CAMSAP2: variants seen among roughly 807,000 people sequenced by gnomAD.
CAMSAP2 encodes calmodulin regulated spectrin associated protein family member 2.
In CAMSAP2, 26 loss-of-function variants were observed where a neutral mutation model predicts 146.1. That is an observed-to-expected ratio of 0.18 (90% confidence interval 0.13 to 0.25). The LOEUF (loss-of-function observed/expected upper bound fraction) is 0.25, where lower values mean the gene tolerates loss of function less well. Ranked by LOEUF, CAMSAP2 falls within the 10% of genes least tolerant of loss-of-function variation. CAMSAP2 has a pLI of 1.00. For synonymous variants in CAMSAP2, 499 were observed against 596.6 expected (o/e 0.84, Z 2.38); for missense variants, 1,381 against 1,759.3 (o/e 0.78, Z 3.85).
In CAMSAP2 at chr1:200,832,273, A is replaced by G; in HGVS notation, c.719A>G (p.Asp240Gly). Residue 240 changes from aspartate (D) to glycine (G), a missense_variant, in exon 5 of 17, where the codon GAT (aspartate) becomes GGT (glycine). Around this residue, in one of 4 missense-constraint regions of CAMSAP2, gnomAD observed 284 missense variants for 406.9 expected, o/e 0.70. Transcript: ENST00000358823. This position sits in a 1 kb window ranked among gnomAD's most constrained non-coding sequence, Gnocchi z 4.2. ...CIPLVENLLK[D>G]GTDGCALAAL... ...CCATTGGTAGAAAATTTGTTGAAGGATGGGACAGATGGCTGTGCATTAGCT... is the reference window on the plus strand; with the variant it reads ...CCATTGGTAGAAAATTTGTTGAAGGGTGGGACAGATGGCTGTGCATTAGCT... The G allele has an allele frequency of 1.2e-6, 2 of 1,613,702 alleles. No homozygotes were observed. Among genetic ancestry groups the G allele is most frequent in the Non-Finnish European group, 1.7e-6 (2 of 1,179,764 alleles).
intron 2 of CAMSAP2, among the ~76,000 whole-genome samples, chr1:200,774,510 GT>G (rs1665216147): frequency 1.3e-5 from 2 of 152,170 alleles, no homozygotes; most frequent in African/African-American, 4.8e-5. Flanking sequence ...AAAACTGTTA[GT>G]TTGTGGTTAG....
chr1:200,828,211 A>G (rs1038174600), intron 4 of CAMSAP2, among the ~76,000 whole-genome samples: 1 of 152,086 alleles, frequency 6.6e-6, no homozygotes, highest in Non-Finnish European at 1.5e-5. Flanking sequence ...ATGATTGCAA[A>G]CCTAGCTGTA....
intron 2 of CAMSAP2, among the ~76,000 whole-genome samples, chr1:200,763,490 G>C (rs1664856522): frequency 2.0e-5 from 3 of 152,144 alleles, no homozygotes; most frequent in African/African-American, 4.8e-5. Context: ...AGTTAGCCGA[G>C]ATTCCGCTAC....
chr1:200,856,125 G>C lies in CAMSAP2; in HGVS notation c.4012G>C (p.Gly1338Arg). 6.3e-7 allele frequency: 1 copy of C among 1,576,478 alleles called. No individual in the cohort carries two copies. The highest frequency in any genetic ancestry group is 8.7e-7 in the Non-Finnish European group (1 of 1,147,970). The change falls in exon 15 of 17, where the codon GGA (glycine) becomes CGA (arginine). Residue 1338 changes from glycine (G) to arginine (R), a missense_variant and splice_region_variant. Physicochemically the swap from Gly to Arg is moderately radical, Grantham distance 125 (BLOSUM62 -2). This residue lies in a region of CAMSAP2 where 90 missense variants were observed against 174.4 expected (regional missense o/e 0.52). Coordinates refer to ENST00000358823, the MANE Select transcript of CAMSAP2 (RefSeq NM_203459.4). ...SSVASGTEYTGPKLYKEPSAK... is the reference protein window; with the variant it reads ...SSVASGTEYTRPKLYKEPSAK... ...AGTGGCTTCTGGAACAGAATATACA[G>C]GTTAGTGTCTATACATTTTTAGAGA... is the stretch of plus-strand genomic sequence containing the variant.
rs368009969 is a variant in CAMSAP2 at position 200,772,232 on chromosome 1, A to G, written c.399+11134A>G. Among the ~76,000 whole-genome samples, 35 of 152,260 alleles carry G rather than the reference A, an allele frequency of 2.3e-4. No individual in the cohort carries two copies. In the South Asian group the frequency reaches 6.4e-3, roughly 28 times the overall value. On this transcript the variant is annotated intron_variant, in intron 2 of 16. Coordinates refer to ENST00000358823, the MANE Select transcript of CAMSAP2 (RefSeq NM_203459.4). ...TGTAACTTTATTTTTTTAAGATTCT[A>G]TTTGAAAAAAAAATATGGGTTGTGA... is the stretch of plus-strand genomic sequence containing the variant.
chr1:200,793,792 C>T (rs924296676), intron 2 of CAMSAP2, among the ~76,000 whole-genome samples: 7 of 151,960 alleles, frequency 4.6e-5, no homozygotes, highest in Non-Finnish European at 8.8e-5. Flanking sequence ...GACTCACAAA[C>T]GTTGTTTAAT....
chr1:200,769,640 A>G (rs1270812612), intron 2 of CAMSAP2, among the ~76,000 whole-genome samples: 4 of 152,158 alleles, frequency 2.6e-5, no homozygotes, highest in African/African-American at 4.8e-5. Context: ...ACTCAGGGAA[A>G]CTCTTACTTA....
At chr1:200,766,317 T>A (rs919742705) in intron 2 of CAMSAP2, among the ~76,000 whole-genome samples, 2 of 152,110 alleles carry the variant, frequency 1.3e-5, no homozygotes, top group East Asian at 1.9e-4. Flanking sequence ...CTAATATTTT[T>A]TTATTATTTT....
intron 11 of CAMSAP2, among the ~76,000 whole-genome samples, chr1:200,851,471 AG>A (rs1667618072): frequency 6.6e-6 from 1 of 152,232 alleles, no homozygotes; most frequent in Non-Finnish European, 1.5e-5. Flanking sequence ...CTGGGATTAC[AG>A]GCATGAGCCC....
chr1:200,841,297 A>C (rs561758179), intron 6 of CAMSAP2, among the ~76,000 whole-genome samples: 1 of 152,300 alleles, frequency 6.6e-6, no homozygotes, highest in East Asian at 1.9e-4. Flanking sequence ...CCCAGGCTGG[A>C]GTGCAATGGC....
chr1:200,767,851 C>G (rs546976667), intron 2 of CAMSAP2, among the ~76,000 whole-genome samples: 2 of 152,326 alleles, frequency 1.3e-5, no homozygotes, highest in South Asian at 4.1e-4. Flanking sequence ...TAGGTAACAT[C>G]TATACCTCTG....
At chr1:200,784,597 T>G (rs115816894) in intron 2 of CAMSAP2, among the ~76,000 whole-genome samples, 3,451 of 152,354 alleles carry the variant, frequency 0.023, 67 homozygotes, top group Non-Finnish European at 0.034. Context: ...TTTGAACATT[T>G]TTTTTATCCT....
intron 8 of CAMSAP2, among the ~76,000 whole-genome samples, chr1:200,846,325 A>G (rs1278416337): frequency 6.6e-6 from 1 of 152,220 alleles, no homozygotes; most frequent in Non-Finnish European, 1.5e-5. Flanking sequence ...CTCAAAGATT[A>G]GATTATTCCA....
chr1:200,762,053 A>C (rs1251765859), intron 2 of CAMSAP2, among the ~76,000 whole-genome samples: 3 of 152,224 alleles, frequency 2.0e-5, no homozygotes, highest in African/African-American at 7.2e-5. Flanking sequence ...ATTAAATCAA[A>C]GAGTAGTAGT....
At chr1:200,775,359 A>G (rs1396459498) in intron 2 of CAMSAP2, among the ~76,000 whole-genome samples, 1 of 152,218 alleles carries the variant, frequency 6.6e-6, no homozygotes, top group African/African-American at 2.4e-5. Context: ...AGCCAAAGCA[A>G]GTGAAGCTCT....
chr1:200,812,636 A>G (rs1666362559), intron 3 of CAMSAP2, among the ~76,000 whole-genome samples: 1 of 152,172 alleles, frequency 6.6e-6, no homozygotes, highest in Admixed American at 6.5e-5. Context: ...ATGCATCCAC[A>G]AGTATAAAAA....
rs527616256 is a variant in CAMSAP2, at chr1:200,860,498, T to C, written c.*2439T>C. On this transcript the variant is annotated 3_prime_UTR_variant, in exon 17 of 17. Coordinates refer to ENST00000358823, the MANE Select transcript of CAMSAP2 (RefSeq NM_203459.4). ...ACTGTTACAGTTTTATTTGGCTGTT[T>C]AAAGCCAAATTCAGCTATTTAATTA... 3 of 152,732 alleles carry C rather than the reference T, an allele frequency of 2.0e-5. No individual in the cohort carries two copies. In the South Asian group the frequency reaches 6.2e-4, roughly 32 times the overall value. The allele number at this position is 152,732 out of a possible 1,614,324, so 9.5% of individuals were successfully genotyped here. A position where few individuals can be genotyped will look rare whatever the true frequency, so the allele number is the denominator to read the frequency against.
chr1:200,797,101 T>C (rs1380289069), intron 2 of CAMSAP2, among the ~76,000 whole-genome samples: 1 of 152,124 alleles, frequency 6.6e-6, no homozygotes, highest in Non-Finnish European at 1.5e-5. Context: ...TCCAAGTCTT[T>C]GCTATTGTGA....
chr1:200,768,166 A>G (rs895650614), intron 2 of CAMSAP2, among the ~76,000 whole-genome samples: 2 of 152,198 alleles, frequency 1.3e-5, no homozygotes, highest in South Asian at 2.1e-4. Flanking sequence ...AAACTGTCCA[A>G]TGTTTTAGGA....
Sources: gnomAD v4.1 joint callset for allele counts (sites outside exome capture counted in the v4.1 genomes callset) on GRCh38, gnomAD v4.1.1 for gene constraint, gnomAD v4.1.1 regional missense constraint, Gnocchi (gnomAD v3.1) non-coding constraint, MANE v1.5 for transcripts, NCBI Gene and HGNC (gene_info 2026-07-23, HGNC 2026-07-21) for gene names.